YBEY: variants seen among roughly 807,000 people sequenced by gnomAD.
YBEY encodes the protein endoribonuclease YbeY.
Under a neutral mutation model 13.5 loss-of-function variants are expected in YBEY, and 15 were observed. The observed-to-expected ratio is 1.11, with a 90% CI of 0.75 to 1.72. The LOEUF is 1.72. Among genes scored for constraint, YBEY ranks in the 40% most tolerant of loss-of-function variants. The probability of loss-of-function intolerance (pLI) is 0.00; values close to 1 mark genes in which losing one functional copy is unlikely to be tolerated. For synonymous variants in YBEY, 101 were observed against 83.1 expected (o/e 1.21, Z -1.17); for missense variants, 244 against 208.4 (o/e 1.17, Z -1.05).
At chr21:46,294,758 CAAAAA>C (rs200581418) in intron 3 of YBEY, among the ~76,000 whole-genome samples, 14 of 97,172 alleles carry the variant, frequency 1.4e-4, no homozygotes, top group Non-Finnish European at 2.3e-4. Flanking sequence ...AGCTTGATGC[CAAAAA>C]AAAAAAAAAA....
chr21:46,301,367 G>A (rs185168883), downstream of YBEY: 30 of 605,688 alleles, frequency 5.0e-5, no homozygotes, highest in East Asian at 7.1e-4. Flanking sequence ...GGCTGGTCTC[G>A]AATTCCTGAG....
the YBEY span, among the ~76,000 whole-genome samples, chr21:46,309,554 G>A: frequency 6.6e-6 from 1 of 151,936 alleles, no homozygotes; most frequent in Non-Finnish European, 1.5e-5. Flanking sequence ...ATAACAAACT[G>A]ATATATTCAC....
At chr21:46,303,726 TATATATATATATATATATA>T in the YBEY span, among the ~76,000 whole-genome samples, 268 of 25,760 alleles carry the variant, frequency 0.01, 3 homozygotes, top group African/African-American at 0.044. Flanking sequence ...TATATATATA[TATATATATATATATATATA>T]TTTTTTTTTT....
the YBEY span, among the ~76,000 whole-genome samples, chr21:46,303,737 ATATATATATTTTTTTTTTT>A: frequency 6.6e-5 from 2 of 30,212 alleles, no homozygotes; most frequent in East Asian, 5.6e-4. Context: ...ATATATATAT[ATATATATATTTTTTTTTTT>A]TTTTTTTTTT....
chr21:46,305,301 T>G, the YBEY span, among the ~76,000 whole-genome samples: 2 of 151,802 alleles, frequency 1.3e-5, no homozygotes, highest in Non-Finnish European at 2.9e-5. Flanking sequence ...TTACATGGTT[T>G]TTTTTTTTTT....
At chr21:46,301,607 T>G, downstream of YBEY, 1 of 1,016,400 alleles carries the variant, frequency 9.8e-7, no homozygotes, top group Non-Finnish European at 1.2e-6. Context: ...CTTAAACTCT[T>G]TCTGGATGAA....
At chr21:46,312,248 C>T in the YBEY span, among the ~76,000 whole-genome samples, 2 of 152,264 alleles carry the variant, frequency 1.3e-5, no homozygotes, top group South Asian at 4.1e-4. Context: ...CATTTCCTGT[C>T]TTTAGCGGGG....
downstream of YBEY, among the ~76,000 whole-genome samples, chr21:46,299,971 C>G (rs1429640158): frequency 1.3e-5 from 2 of 152,094 alleles, no homozygotes; most frequent in African/African-American, 2.4e-5. Context: ...TGTGACCCCA[C>G]CCCTCCTGCA....
chr21:46,303,188 T>G, the YBEY span, among the ~76,000 whole-genome samples: 1 of 151,062 alleles, frequency 6.6e-6, no homozygotes, highest in Non-Finnish European at 1.5e-5. Flanking sequence ...AATTAAAACA[T>G]CTAAGCCAGT....
Position 46,287,091 on chromosome 21 carries a change from C to T in YBEY, c.178C>T (p.Pro60Ser). The change falls in exon 2 of 5, where the codon CCA becomes TCA. Residue 60 changes from proline (P) to serine (S), a missense_variant. Pro to Ser is a moderately conservative substitution (Grantham distance 74, BLOSUM62 -1). Transcript: ENST00000397701. ...TAGAATCTACAGAGATAGAAATGTC[C>T]CAACCGATGTGCTTTCTTTTCCATT... ...INRIYRDRNVPTDVLSFPFHE... is the reference protein window; with the variant it reads ...INRIYRDRNVSTDVLSFPFHE... 1.2e-6 allele frequency: 2 copies of T among 1,610,940 alleles called. No individual in the cohort carries two copies. Among genetic ancestry groups the T allele is most frequent in the Non-Finnish European group, 1.7e-6 (2 of 1,179,000 alleles).
At chr21:46,298,315 TC>T (rs1270792508), downstream of YBEY, among the ~76,000 whole-genome samples, 1 of 152,168 alleles carries the variant, frequency 6.6e-6, no homozygotes, top group African/African-American at 2.4e-5. Context: ...GCCCCTCTGT[TC>T]CTGAAGTCGC....
chr21:46,295,314 G>T (rs1022830894), intron 3 of YBEY, among the ~76,000 whole-genome samples: 2 of 151,918 alleles, frequency 1.3e-5, no homozygotes, highest in African/African-American at 2.4e-5. Context: ...CATCTACCCT[G>T]CCTTGTCCTC....
chr21:46,295,801 C>T (rs560408689), intron 3 of YBEY, among the ~76,000 whole-genome samples: 1 of 152,146 alleles, frequency 6.6e-6, no homozygotes, highest in South Asian at 2.1e-4. Flanking sequence ...CCACCCCTGG[C>T]CGGTGCCCCA....
chr21:46,301,252 C>A, downstream of YBEY: 1 of 273,310 alleles, frequency 3.7e-6, no homozygotes, highest in Non-Finnish European at 5.6e-6. Context: ...AGCAATCCTC[C>A]CACCTCAGCC....
In YBEY at chr21:46,297,666, G is replaced by T; in HGVS notation, c.*32G>T. The T allele has an allele frequency of 7.8e-7, 1 of 1,283,382 alleles. No individual in the cohort carries two copies. The highest frequency in any genetic ancestry group is 1.0e-6 in the Non-Finnish European group (1 of 1,003,830). The allele number at this position is 1,283,382 out of a possible 1,614,324, so 79.5% of individuals were successfully genotyped here. A position where few individuals can be genotyped will look rare whatever the true frequency, so the allele number is the denominator to read the frequency against. On this transcript the variant is annotated 3_prime_UTR_variant, in exon 5 of 5. Coordinates refer to ENST00000397701, the MANE Select transcript of YBEY (RefSeq NM_001314025.2). ...CGTTCCTTCTGAAAGCGGGACGCGGGAGGGGTGGAGGCTGCGGGGAGCCGG... is the reference window on the plus strand; with the variant it reads ...CGTTCCTTCTGAAAGCGGGACGCGGTAGGGGTGGAGGCTGCGGGGAGCCGG...
chr21:46,289,817 A>G (rs1235146775), intron 2 of YBEY, among the ~76,000 whole-genome samples: 1 of 152,226 alleles, frequency 6.6e-6, no homozygotes, highest in African/African-American at 2.4e-5. Context: ...GGTTGCAAAG[A>G]TCAATAACAA....
At chr21:46,303,898 C>G in the YBEY span, among the ~76,000 whole-genome samples, 1 of 148,150 alleles carries the variant, frequency 6.7e-6, no homozygotes. Flanking sequence ...ACTACAGGTG[C>G]CCGCCACTGC....
the YBEY span, among the ~76,000 whole-genome samples, chr21:46,308,511 T>A: frequency 6.6e-6 from 1 of 152,112 alleles, no homozygotes; most frequent in Non-Finnish European, 1.5e-5. Context: ...CTTCTAGGTA[T>A]TTACCCAAGA....
chr21:46,291,840 A>C, intron 3 of YBEY: 1 of 1,064,588 alleles, frequency 9.4e-7, no homozygotes, highest in Non-Finnish European at 1.1e-6. Flanking sequence ...AGTGTAATCC[A>C]CCTATGGGTT....
Sources: allele counts gnomAD v4.1 joint callset (sites outside exome capture counted in the v4.1 genomes callset), GRCh38; gene constraint gnomAD v4.1.1; transcripts MANE v1.5; gene names NCBI Gene and HGNC (gene_info 2026-07-23, HGNC 2026-07-21).